ADAMTSL1: variants seen among roughly 807,000 people sequenced by gnomAD.
The protein encoded by ADAMTSL1 is ADAMTS-like protein 1.
Under a neutral mutation model 201.8 loss-of-function variants are expected in ADAMTSL1, and 126 were observed. That is an observed-to-expected ratio of 0.62 (90% CI 0.54 to 0.72). ADAMTSL1 has a LOEUF of 0.72. Among genes scored for constraint, ADAMTSL1 ranks in the 30% least tolerant of loss-of-function variants. ADAMTSL1 has a pLI of 0.00. For synonymous variants in ADAMTSL1, 1,121 were observed against 903.4 expected (o/e 1.24, Z -4.32); for missense variants, 2,679 against 2,277.8 (o/e 1.18, Z -3.59).
chr9:18,367,057 A>G (rs1804706444), intron 2 of ADAMTSL1, among the ~76,000 whole-genome samples: 1 of 152,150 alleles, frequency 6.6e-6, no homozygotes, highest in Admixed American at 6.5e-5. Flanking sequence ...ATTTCCTCAT[A>G]TCAACTGCTC....
chr9:17,977,688 T>C (rs1387759852), intron 1 of ADAMTSL1, among the ~76,000 whole-genome samples: 1 of 152,102 alleles, frequency 6.6e-6, no homozygotes, highest in Non-Finnish European at 1.5e-5. Flanking sequence ...GTCTTCTCTT[T>C]TTTTCTTAGT....
At chr9:18,201,856 A>G (rs1471081744) in intron 2 of ADAMTSL1, among the ~76,000 whole-genome samples, 1 of 152,140 alleles carries the variant, frequency 6.6e-6, no homozygotes, top group Non-Finnish European at 1.5e-5. Context: ...TAATGCCTAT[A>G]TCATTGTTTT....
chr9:18,030,723 GA>G (rs1820915602), intron 1 of ADAMTSL1, among the ~76,000 whole-genome samples: 1 of 152,022 alleles, frequency 6.6e-6, no homozygotes, highest in Non-Finnish European at 1.5e-5. Flanking sequence ...TAAAATTGGA[GA>G]AATTTTTGTG....
chr9:18,041,084 C>A (rs766635272), intron 1 of ADAMTSL1, among the ~76,000 whole-genome samples: 1 of 152,142 alleles, frequency 6.6e-6, no homozygotes, highest in Non-Finnish European at 1.5e-5. Flanking sequence ...ACCAAAGACA[C>A]AAATCTGCTG....
intron 8 of ADAMTSL1, among the ~76,000 whole-genome samples, chr9:18,658,645 G>A (rs890665987): frequency 2.6e-5 from 4 of 152,088 alleles, no homozygotes; most frequent in East Asian, 1.9e-4. Flanking sequence ...TTTGTAACAC[G>A]AACAGCATTT....
At chr9:18,079,983 A>G (rs879311023) in intron 1 of ADAMTSL1, among the ~76,000 whole-genome samples, 2 of 152,134 alleles carry the variant, frequency 1.3e-5, no homozygotes, top group East Asian at 3.9e-4. Flanking sequence ...GGAGTGCTTG[A>G]CCAGGTGAGC....
rs568451791 is a variant in ADAMTSL1, at chr9:18,766,057, A to C, written c.2218-4545A>C. On this transcript the variant is annotated intron_variant, in intron 16 of 28. Transcript: ENST00000380548. Reference sequence around the variant, plus strand: ...ACATGTTTGAGGAACAAAACAACAAAAAAAAAGTCTGGCTGGAGTACACAG... The same window carrying C: ...ACATGTTTGAGGAACAAAACAACAACAAAAAAGTCTGGCTGGAGTACACAG... Among the ~76,000 whole-genome samples, 16 of 152,196 alleles carry C rather than the reference A, an allele frequency of 1.1e-4. 1 individual carries two copies. The highest frequency in any genetic ancestry group is 3.9e-4 in the East Asian group (2 of 5,180).
chr9:18,288,894 T>A (rs1208724776), intron 2 of ADAMTSL1, among the ~76,000 whole-genome samples: 2 of 152,204 alleles, frequency 1.3e-5, no homozygotes, highest in Non-Finnish European at 2.9e-5. Context: ...GAAGACAGTG[T>A]TTAAGGAACT....
chr9:18,245,992 G>A (rs1277098186), intron 2 of ADAMTSL1, among the ~76,000 whole-genome samples: 1 of 152,040 alleles, frequency 6.6e-6, no homozygotes, highest in Non-Finnish European at 1.5e-5. Context: ...AAAGAATGGC[G>A]AATTGTTGCT....
chr9:18,081,933 G>A (rs1308697669), intron 1 of ADAMTSL1, among the ~76,000 whole-genome samples: 4 of 152,176 alleles, frequency 2.6e-5, no homozygotes, highest in African/African-American at 9.6e-5. Context: ...CTTATGATGT[G>A]AGGACAAGGT....
At chr9:18,189,679 C>A (rs1828889649) in intron 2 of ADAMTSL1, among the ~76,000 whole-genome samples, 2 of 152,142 alleles carry the variant, frequency 1.3e-5, no homozygotes, top group South Asian at 2.1e-4. Context: ...AGCCTGATAG[C>A]AACTAATTTT....
chr9:18,033,716 C>T (rs563858773), intron 1 of ADAMTSL1, among the ~76,000 whole-genome samples: 2 of 152,284 alleles, frequency 1.3e-5, no homozygotes, highest in African/African-American at 2.4e-5. Context: ...TTGCCCTCAC[C>T]GTCTGCACGC....
intron 2 of ADAMTSL1, among the ~76,000 whole-genome samples, chr9:18,344,289 T>C (rs1177245075): frequency 6.6e-6 from 1 of 152,098 alleles, no homozygotes; most frequent in Non-Finnish European, 1.5e-5. Flanking sequence ...CTTTTCCTTT[T>C]GCTGTTTAAT....
At chr9:18,652,795 G>A (rs1564121177) in intron 7 of ADAMTSL1, among the ~76,000 whole-genome samples, 1 of 152,164 alleles carries the variant, frequency 6.6e-6, no homozygotes, top group Non-Finnish European at 1.5e-5. Context: ...AGGAGCATCT[G>A]TAACCAATTC....
chr9:18,267,225 G>C (rs1766916342), intron 2 of ADAMTSL1, among the ~76,000 whole-genome samples: 1 of 151,988 alleles, frequency 6.6e-6, no homozygotes, highest in African/African-American at 2.4e-5. Context: ...TGTCATTTGG[G>C]GACTATTTTT....
chr9:18,695,735 A>G (rs565272463), intron 13 of ADAMTSL1, among the ~76,000 whole-genome samples: 2 of 151,808 alleles, frequency 1.3e-5, no homozygotes, highest in African/African-American at 2.4e-5. Context: ...AACTCTTCCA[A>G]CCTCTGCCAG....
chr9:18,680,834 G>C (rs1322446504), intron 11 of ADAMTSL1: 2 of 354,080 alleles, frequency 5.6e-6, no homozygotes, highest in East Asian at 1.3e-4. Flanking sequence ...ATCTGTAAAA[G>C]CTGCTTTGAT....
intron 3 of ADAMTSL1, among the ~76,000 whole-genome samples, chr9:18,562,150 T>C (rs911503586): frequency 6.6e-6 from 1 of 152,242 alleles, no homozygotes; most frequent in Non-Finnish European, 1.5e-5. Flanking sequence ...GTTTTTGCAT[T>C]GGCTGGTACC....
chr9:18,113,312 G>T (rs1374386994), intron 1 of ADAMTSL1, among the ~76,000 whole-genome samples: 1 of 152,150 alleles, frequency 6.6e-6, no homozygotes, highest in African/African-American at 2.4e-5. Context: ...TGATGGGGCA[G>T]TATCTGGTTA....
Sources: allele counts gnomAD v4.1 joint callset (sites outside exome capture counted in the v4.1 genomes callset), GRCh38; gene constraint gnomAD v4.1.1; transcripts MANE v1.5; gene names NCBI Gene and HGNC (gene_info 2026-07-23, HGNC 2026-07-21).